The following MIB1 variants were observed in gnomAD, a reference collection of about 807,000 sequenced individuals.
MIB1 encodes E3 ubiquitin-protein ligase MIB1.
MIB1 carries 278 observed loss-of-function variants against 124.5 expected under a neutral mutation model. The ratio of observed to expected loss-of-function variants is 2.23; its 90% CI spans 2.02 to 2.47. The LOEUF is 2.47. Ranked by LOEUF, MIB1 falls within the 30% of genes most tolerant of loss-of-function variation. The pLI, the probability that MIB1 is intolerant of heterozygous loss-of-function variation, is 0.00. For missense variants in MIB1, 957 were observed against 1,254.4 expected, an observed-to-expected ratio of 0.76 and a Z score of 3.58; for synonymous variants, 446 against 429.4, an observed-to-expected ratio of 1.04 and a Z score of -0.48.
chr18:21,856,236 CA>C (rs5823315), intron 18 of MIB1, among the ~76,000 whole-genome samples: 1 of 123,014 alleles, frequency 8.1e-6, no homozygotes, highest in African/African-American at 3.1e-5. Context: ...GACTCCGTCT[CA>C]AAAAAAAAAC....
chr18:21,752,407 G>A (rs558173805), intron 1 of MIB1, among the ~76,000 whole-genome samples: 3 of 152,020 alleles, frequency 2.0e-5, no homozygotes, highest in Non-Finnish European at 2.9e-5. Flanking sequence ...ACCTGATAAG[G>A]GAGAAAATTT....
chr18:21,783,429 G>C (rs1427041421), intron 6 of MIB1, among the ~76,000 whole-genome samples: 3 of 151,988 alleles, frequency 2.0e-5, no homozygotes, highest in Admixed American at 2.0e-4. Context: ...TTTTAGTAGA[G>C]ATGGGGTTTC....
chr18:21,752,117 G>C (rs554657961), intron 1 of MIB1, among the ~76,000 whole-genome samples: 16 of 152,224 alleles, frequency 1.1e-4, no homozygotes, highest in Non-Finnish European at 1.9e-4. Context: ...AAGGCTGTCA[G>C]ATCCTCCAGC....
At chr18:21,738,210 G>A (rs1456882123), upstream of MIB1, among the ~76,000 whole-genome samples, 3 of 152,136 alleles carry the variant, frequency 2.0e-5, no homozygotes, top group Non-Finnish European at 4.4e-5. Context: ...GCAAAAGAAT[G>A]GAAATCATAA....
At chr18:21,788,177 A>G (rs2041458902) in intron 6 of MIB1, among the ~76,000 whole-genome samples, 1 of 152,194 alleles carries the variant, frequency 6.6e-6, no homozygotes, top group African/African-American at 2.4e-5. Flanking sequence ...TATCTAATCC[A>G]CTTTAGTATG....
chr18:21,852,970 G>A (rs1484262464), intron 17 of MIB1, among the ~76,000 whole-genome samples, 170 bp from the exon 18 acceptor site: 2 of 152,280 alleles, frequency 1.3e-5, no homozygotes, highest in East Asian at 3.9e-4. Context: ...ATATAAAGAT[G>A]TGAAAATGAA....
intron 2 of MIB1, among the ~76,000 whole-genome samples, chr18:21,767,510 A>G (rs2041175498): frequency 6.6e-6 from 1 of 152,256 alleles, no homozygotes; most frequent in East Asian, 1.9e-4. Context: ...CAACCAAATC[A>G]TATCAATACA....
intron 10 of MIB1, among the ~76,000 whole-genome samples, chr18:21,810,582 C>G (rs1189916729): frequency 6.6e-6 from 1 of 151,682 alleles, no homozygotes; most frequent in Non-Finnish European, 1.5e-5. Context: ...CAGAAATAAG[C>G]CTTTGCATTA....
chr18:21,860,651 A>ACTC (rs1171458815), intron 20 of MIB1, among the ~76,000 whole-genome samples: 1 of 151,964 alleles, frequency 6.6e-6, no homozygotes, highest in African/African-American at 2.4e-5. Context: ...TAGAATCATC[A>ACTC]CTCCTGTGTT....
At chr18:21,761,115 A>G (rs969425108) in intron 1 of MIB1, among the ~76,000 whole-genome samples, 1 of 152,196 alleles carries the variant, frequency 6.6e-6, no homozygotes, top group Non-Finnish European at 1.5e-5. Context: ...ATTCCATATA[A>G]TGTCCATTTT....
At chr18:21,713,765 T>G (rs898202720) in intron 1 of MIB1, among the ~76,000 whole-genome samples, 7 of 150,804 alleles carry the variant, frequency 4.6e-5, no homozygotes, top group Non-Finnish European at 7.4e-5. Context: ...TTTTTTTTTT[T>G]TTTTGTATTT....
intron 1 of MIB1, among the ~76,000 whole-genome samples, chr18:21,714,293 G>A (rs2040678980): frequency 6.6e-6 from 1 of 152,124 alleles, no homozygotes; most frequent in Non-Finnish European, 1.5e-5. Flanking sequence ...CATTGCAAAT[G>A]TCCTCTTTGC....
At chr18:21,709,643 G>A (rs1035595031) in intron 1 of MIB1, among the ~76,000 whole-genome samples, 1 of 152,198 alleles carries the variant, frequency 6.6e-6, no homozygotes, top group Non-Finnish European at 1.5e-5. Context: ...GGCATTTTCA[G>A]TGTCTGTGGG....
intron 1 of MIB1, among the ~76,000 whole-genome samples, chr18:21,745,906 C>A (rs1157090324): frequency 1.3e-5 from 2 of 152,034 alleles, no homozygotes; most frequent in African/African-American, 2.4e-5. Context: ...GGGGTTTCAC[C>A]ATGTTGGCCA....
chr18:21,715,138 C>T (rs1459774093), intron 1 of MIB1, among the ~76,000 whole-genome samples: 2 of 152,204 alleles, frequency 1.3e-5, no homozygotes, highest in Non-Finnish European at 2.9e-5. Flanking sequence ...ACTCCAAATA[C>T]TGTGCTGGTA....
chr18:21,732,275 CCG>C (rs1432896466), intron 1 of MIB1, among the ~76,000 whole-genome samples: 1 of 150,982 alleles, frequency 6.6e-6, no homozygotes, highest in Non-Finnish European at 1.5e-5. Context: ...TTGCAGTGAG[CCG>C]AGATCATGTC....
At chr18:21,810,481 T>C (rs1448628308) in intron 10 of MIB1, among the ~76,000 whole-genome samples, 1 of 151,982 alleles carries the variant, frequency 6.6e-6, no homozygotes, top group Non-Finnish European at 1.5e-5. Flanking sequence ...TCTTCCTACT[T>C]TCAAGACTTA....
chr18:21,775,732 C>T (rs2041277766), intron 4 of MIB1, among the ~76,000 whole-genome samples: 1 of 152,096 alleles, frequency 6.6e-6, no homozygotes, highest in South Asian at 2.1e-4. Flanking sequence ...AGCCTGTGTG[C>T]TATATGTGCT....
intron 15 of MIB1, among the ~76,000 whole-genome samples, chr18:21,846,645 A>G (rs2042136835): frequency 6.6e-6 from 1 of 152,140 alleles, no homozygotes; most frequent in African/African-American, 2.4e-5. Context: ...GTTGGGCTTA[A>G]TTGACTTGAT....
Sources: allele counts gnomAD v4.1 joint callset (sites outside exome capture counted in the v4.1 genomes callset), GRCh38; gene constraint gnomAD v4.1.1; transcripts MANE v1.5; gene names NCBI Gene and HGNC (gene_info 2026-07-23, HGNC 2026-07-21).